The following PTCHD4 variants were observed in gnomAD, a reference collection of about 807,000 sequenced individuals.
The protein encoded by PTCHD4 is patched domain-containing protein 4.
Under a neutral mutation model 58.1 loss-of-function variants are expected in PTCHD4, and 33 were observed. The ratio of observed to expected loss-of-function variants is 0.57; its 90% CI spans 0.43 to 0.76. The LOEUF is 0.76. Ranked by LOEUF, PTCHD4 falls within the 30% of genes least tolerant of loss-of-function variation. PTCHD4 has a pLI of 0.00. For missense variants in PTCHD4, 1,058 were observed against 1,027.1 expected (o/e 1.03, Z -0.41); for synonymous variants, 478 against 409.6 (o/e 1.17, Z -2.02).
At position 47,860,581 on chromosome 6, in the gene PTCHD4, AC is replaced by A. The variant is rs1763400841; in HGVS notation, c.*17721del. On this transcript the variant is annotated 3_prime_UTR_variant, in exon 5 of 5. Coordinates refer to ENST00000339488, the MANE Select transcript of PTCHD4 (RefSeq NM_001384253.1). ...TCCATGCAGCCTTCTTTCTTTCTTT[AC>A]ATTAGCACTACTGCCCATTCTTCAC... is the stretch of plus-strand genomic sequence containing the variant. Among the ~76,000 whole-genome samples the A allele has an allele frequency of 6.6e-6, 1 of 152,004 alleles. No individual in the cohort carries two copies. The highest frequency in any genetic ancestry group is 2.4e-5 in the African/African-American group (1 of 41,430).
intron 4 of PTCHD4, among the ~76,000 whole-genome samples, chr6:47,916,053 G>A (rs1346720210): frequency 6.6e-6 from 1 of 152,154 alleles, no homozygotes; most frequent in African/African-American, 2.4e-5. Context: ...CTGAAGCTGT[G>A]AGTGTGAGCA....
intron 3 of PTCHD4, among the ~76,000 whole-genome samples, chr6:48,052,172 T>C (rs546299364): frequency 3.3e-5 from 5 of 152,178 alleles, no homozygotes; most frequent in African/African-American, 1.2e-4. Flanking sequence ...TAACACATCA[T>C]ATGCACTTAG....
chr6:47,987,022 T>TA (rs1768091364), intron 4 of PTCHD4, among the ~76,000 whole-genome samples: 3 of 152,170 alleles, frequency 2.0e-5, no homozygotes, highest in Middle Eastern at 3.4e-3. Context: ...ACCAGGGTAT[T>TA]AAAAAATGTA....
chr6:48,007,291 A>C (rs542769646), intron 4 of PTCHD4, among the ~76,000 whole-genome samples: 1 of 152,186 alleles, frequency 6.6e-6, no homozygotes, highest in Non-Finnish European at 1.5e-5. Context: ...TAACATGGCC[A>C]CAATGATATT....
At chr6:47,886,243 C>T (rs1259489869) in intron 4 of PTCHD4, among the ~76,000 whole-genome samples, 2 of 151,280 alleles carry the variant, frequency 1.3e-5, no homozygotes. Flanking sequence ...ATACTTTTAA[C>T]GAGGATGAAA....
chr6:48,012,127 C>T (rs181950041), intron 3 of PTCHD4, among the ~76,000 whole-genome samples: 87 of 152,132 alleles, frequency 5.7e-4, no homozygotes, highest in East Asian at 4.6e-3. Flanking sequence ...GGTAGCTTGA[C>T]GGGAATAGCA....
intron 4 of PTCHD4, among the ~76,000 whole-genome samples, chr6:47,935,397 A>G (rs2094039343): frequency 6.8e-6 from 1 of 146,670 alleles, no homozygotes; most frequent in African/African-American, 2.4e-5. Context: ...GGCACTTTGC[A>G]TTGTTCAGAT....
At chr6:47,925,089 CCAGA>C (rs1363168618) in intron 4 of PTCHD4, among the ~76,000 whole-genome samples, 4 of 149,442 alleles carry the variant, frequency 2.7e-5, no homozygotes, top group African/African-American at 9.8e-5. Context: ...GCACTTACAA[CCAGA>C]CATTTTATAT....
intron 3 of PTCHD4, among the ~76,000 whole-genome samples, chr6:48,026,870 C>G (rs2753197): frequency 0.8 from 121,304 of 151,800 alleles, 48,500 homozygotes; most frequent in Middle Eastern, 0.85. Context: ...GATGATTATT[C>G]GTAAAAAGTT....
At position 48,069,590 on chromosome 6, in the gene PTCHD4, G is replaced by A. The variant is rs1032882708; in HGVS notation, c.-633C>T. Among the ~76,000 whole-genome samples the A allele has an allele frequency of 1.3e-5, 2 of 152,214 alleles. No homozygotes were observed. Among genetic ancestry groups the A allele is most frequent in the African/African-American group, 4.8e-5 (2 of 41,450 alleles). On this transcript the variant is annotated 5_prime_UTR_variant, in exon 2 of 5. Coordinates refer to ENST00000339488, the MANE Select transcript of PTCHD4 (RefSeq NM_001384253.1). ...TGCGGAGACTCCATCTATCCCTGGT[G>A]CGTTGGGACCGTCTGGATAGCTTCT...
intron 4 of PTCHD4, among the ~76,000 whole-genome samples, chr6:47,954,711 A>C (rs1766788287): frequency 6.6e-6 from 1 of 152,166 alleles, no homozygotes; most frequent in Non-Finnish European, 1.5e-5. Context: ...TGTATTTTCC[A>C]AAAGTGTTTA....
chr6:47,972,555 T>C (rs1767555805), intron 4 of PTCHD4, among the ~76,000 whole-genome samples: 1 of 152,112 alleles, frequency 6.6e-6, no homozygotes, highest in Admixed American at 6.5e-5. Context: ...TTTTTGAACA[T>C]TGTATAAAGT....
intron 4 of PTCHD4, among the ~76,000 whole-genome samples, chr6:47,956,415 A>G (rs1429851604): frequency 6.6e-6 from 1 of 152,058 alleles, no homozygotes; most frequent in Admixed American, 6.6e-5. Flanking sequence ...ATTTGAAGCC[A>G]GAGAGTATGG....
At position 47,861,100 on chromosome 6, in the gene PTCHD4, ATG is replaced by A. The variant is rs1763414914; in HGVS notation, c.*17201_*17202del. ...ATCCCTCCAGTGCTAAATTTCAAAC[ATG>A]TTGGAACTTGGCGTGAAGAAGGGCA... On this transcript the variant is annotated 3_prime_UTR_variant, in exon 5 of 5. Coordinates refer to ENST00000339488, the MANE Select transcript of PTCHD4 (RefSeq NM_001384253.1). Among the ~76,000 whole-genome samples, 1 of 151,896 alleles carries A rather than the reference ATG, an allele frequency of 6.6e-6. No homozygotes were observed. The highest frequency in any genetic ancestry group is 6.6e-5 in the Admixed American group (1 of 15,222).
rs1275875668 is a variant in PTCHD4, at chr6:48,045,193, AC to A, written c.417+23036del. On this transcript the variant is annotated intron_variant, in intron 3 of 4. Coordinates refer to ENST00000339488, the MANE Select transcript of PTCHD4 (RefSeq NM_001384253.1). ...CCTGCATCTAAATTGTCCAGGAGAG[AC>A]AACTGCATGCTGTACTTCTAAAAAT... Among the ~76,000 whole-genome samples, 6 of 151,922 alleles carry A rather than the reference AC, an allele frequency of 3.9e-5. No individual in the cohort carries two copies. The East Asian group carries it at 9.7e-4, about 25-fold the overall frequency.
intron 3 of PTCHD4, among the ~76,000 whole-genome samples, chr6:48,010,160 T>A (rs961858911): frequency 6.6e-6 from 1 of 152,198 alleles, no homozygotes; most frequent in South Asian, 2.1e-4. Context: ...CATGATGAAG[T>A]ATAGTGTTGA....
chr6:47,983,104 C>A (rs1419419199), intron 4 of PTCHD4, among the ~76,000 whole-genome samples: 1 of 151,998 alleles, frequency 6.6e-6, no homozygotes, highest in African/African-American at 2.4e-5. Context: ...TTACATATTT[C>A]TGCAAGTTAG....
chr6:48,023,704 G>A (rs921582909), intron 3 of PTCHD4, among the ~76,000 whole-genome samples: 3 of 152,152 alleles, frequency 2.0e-5, no homozygotes, highest in South Asian at 4.2e-4. Flanking sequence ...TCAGCAGCTC[G>A]GTTTCTCATA....
Position 47,992,935 on chromosome 6 carries a change from A to G in PTCHD4, c.898+15699T>C, listed in dbSNP as rs188506189. ...GATACAGATACTCAATGAGAAGGGA[A>G]TACTTGGAAAGCAGCAGTGCTGAAA... On this transcript the variant is annotated intron_variant, in intron 4 of 4. Transcript: ENST00000339488. Among the ~76,000 whole-genome samples the G allele has an allele frequency of 1.9e-4, 29 of 152,328 alleles. No homozygotes were observed. The East Asian group carries it at 5.2e-3, about 27-fold the overall frequency.
Sources: allele counts gnomAD v4.1 joint callset (sites outside exome capture counted in the v4.1 genomes callset), GRCh38; gene constraint gnomAD v4.1.1; transcripts MANE v1.5; gene names NCBI Gene and HGNC (gene_info 2026-07-23, HGNC 2026-07-21).